The following ARNT variants were observed in gnomAD, a reference collection of about 807,000 sequenced individuals.
ARNT encodes the protein class E basic helix-loop-helix protein 2.
ARNT carries 30 observed loss-of-function variants against 105.0 expected under a neutral mutation model. The ratio of observed to expected loss-of-function variants is 0.29; its 90% CI spans 0.21 to 0.39. ARNT has a LOEUF of 0.39. Among genes scored for constraint, ARNT ranks in the 10% least tolerant of loss-of-function variants. The pLI is 1.00. For synonymous variants in ARNT, 304 were observed against 344.0 expected, an observed-to-expected ratio of 0.88 and a Z score of 1.29; for missense variants, 748 against 978.7, an observed-to-expected ratio of 0.76 and a Z score of 3.15.
chr1:150,822,856 G>A lies in ARNT; in HGVS notation c.1394+338C>T, dbSNP rs587650024. Among the ~76,000 whole-genome samples the A allele has an allele frequency of 2.0e-5, 3 of 152,308 alleles. No homozygotes were observed. The South Asian group carries it at 6.2e-4, about 32-fold the overall frequency. On this transcript the variant is annotated intron_variant, in intron 14 of 21. Coordinates refer to ENST00000358595, the MANE Select transcript of ARNT (RefSeq NM_001668.4). ...ATCTGATGCTATCTCCAAGTAGATAGTGAACTGAATTGAATGGAAGGACAC... is the reference window on the plus strand; with the variant it reads ...ATCTGATGCTATCTCCAAGTAGATAATGAACTGAATTGAATGGAAGGACAC...
At chr1:150,840,555 A>G (rs587656770) in intron 5 of ARNT, among the ~76,000 whole-genome samples, 2 of 152,350 alleles carry the variant, frequency 1.3e-5, no homozygotes, top group Admixed American at 6.5e-5. Context: ...ATTAATGCAC[A>G]AAGTCCTACC....
At chr1:150,862,577 T>TA (rs36093809) in intron 1 of ARNT, among the ~76,000 whole-genome samples, 13 of 149,050 alleles carry the variant, frequency 8.7e-5, no homozygotes, top group South Asian at 2.1e-4. Context: ...CTTTTTCCAT[T>TA]AAAAAAAAAA....
rs587761498 is a variant in ARNT at position 150,829,435 on chromosome 1, AC to A, written c.1033-209del. On this transcript the variant is annotated intron_variant, in intron 11 of 21. Transcript: ENST00000358595. ...CTCTGCTCCCATACATTTACACTTT[AC>A]CAAGTTAGTAAAGTAAGAATAAAGT... 126 of 611,270 alleles carry A rather than the reference AC, an allele frequency of 2.1e-4. 2 individuals are homozygous for A. The South Asian group carries it at 2.3e-3, about 11-fold the overall frequency. The allele number at this position is 611,270 out of a possible 1,614,324, so 37.9% of individuals were successfully genotyped here.
chr1:150,824,495 G>T lies in ARNT; in HGVS notation c.1243-1150C>A, dbSNP rs150624358. ...TTTTGAGATGGAGTCTCGCTCTGTC[G>T]CCAGGCTGGAGTGCAGTGGTGCAAT... On this transcript the variant is annotated intron_variant, in intron 13 of 21. Coordinates refer to ENST00000358595, the MANE Select transcript of ARNT (RefSeq NM_001668.4). Among the ~76,000 whole-genome samples, 1,151 of 142,634 alleles carry T rather than the reference G, an allele frequency of 8.1e-3. 6 individuals are homozygous for T. The highest frequency in any genetic ancestry group is 0.011 in the Non-Finnish European group (706 of 65,902). The allele number at this position is 142,634 out of a possible 152,430, so 93.6% of individuals were successfully genotyped here.
chr1:150,872,313 G>GA (rs2102498655), intron 1 of ARNT, among the ~76,000 whole-genome samples: 1 of 152,188 alleles, frequency 6.6e-6, no homozygotes, highest in South Asian at 2.1e-4. Flanking sequence ...TCCCATATCT[G>GA]AAAAAGGTAA....
Position 150,836,351 on chromosome 1 carries a change from T to C in ARNT, c.629A>G (p.Tyr210Cys), listed in dbSNP as rs1191600742. The change falls in exon 7 of 22, where the codon TAT (tyrosine) becomes TGT (cysteine). Residue 210 changes from tyrosine (Y) to cysteine (C), a missense_variant. Tyr to Cys is a radical substitution (Grantham distance 194). Around this residue, in one of 4 missense-constraint regions of ARNT, gnomAD observed 291 missense variants for 444.6 expected, o/e 0.65. Coordinates refer to ENST00000358595, the MANE Select transcript of ARNT (RefSeq NM_001668.4). ...CACATCATCTGGGTGCACCTGATCA[T>C]AGAGTGTGCTGCCAAACCATTCAGA... ...PQSEWFGSTL[Y>C]DQVHPDDVDK... 5 of 1,614,036 alleles carry C rather than the reference T, an allele frequency of 3.1e-6. No homozygotes were observed. Among genetic ancestry groups the C allele is most frequent in the African/African-American group, 1.3e-5 (1 of 74,922 alleles).
chr1:150,846,385 G>T, intron 3 of ARNT, 78 bp from the exon 4 acceptor site: 1 of 1,417,098 alleles, frequency 7.1e-7, no homozygotes, highest in Non-Finnish European at 9.8e-7. Flanking sequence ...AACTAGAAAG[G>T]GGTGAAAATA....
chr1:150,833,334 T>C (rs1305504995), intron 8 of ARNT, among the ~76,000 whole-genome samples: 1 of 151,906 alleles, frequency 6.6e-6, no homozygotes, highest in African/African-American at 2.4e-5. Flanking sequence ...TGAAACACTG[T>C]TTTACTAAAA....
chr1:150,812,144 C>T (rs10305748), intron 21 of ARNT, 34 bp from the exon 22 acceptor site: 29,307 of 1,492,520 alleles, frequency 0.02, 347 homozygotes, highest in Middle Eastern at 0.027. Context: ...TTGGGTCACA[C>T]ACCTTGATCT....
At chr1:150,858,788 ATT>A (rs752944376) in intron 1 of ARNT, among the ~76,000 whole-genome samples, 28 of 137,064 alleles carry the variant, frequency 2.0e-4, no homozygotes, top group Non-Finnish European at 2.2e-4. Context: ...CACCCAGTTA[ATT>A]TTTTTTTTTT....
chr1:150,829,873 G>A (rs772220628), intron 11 of ARNT, 31 bp downstream of exon 11: 12 of 1,608,032 alleles, frequency 7.5e-6, no homozygotes, highest in Admixed American at 1.7e-5. Context: ...CTAATTGAAC[G>A]GGAATATAGA....
chr1:150,868,044 G>C (rs10305656), intron 1 of ARNT, among the ~76,000 whole-genome samples: 2,112 of 152,156 alleles, frequency 0.014, 20 homozygotes, highest in Non-Finnish European at 0.02. Flanking sequence ...ACAAAGGGAA[G>C]AGGACTATGG....
intron 1 of ARNT, among the ~76,000 whole-genome samples, chr1:150,861,526 G>A (rs1665636001): frequency 6.6e-6 from 1 of 152,184 alleles, no homozygotes; most frequent in Non-Finnish European, 1.5e-5. Context: ...AAGAAACTGT[G>A]GGGCTGAACA....
At position 150,874,691 on chromosome 1, in the gene ARNT, T is replaced by C. The variant is rs587633989; in HGVS notation, c.25+1852A>G. 5.3e-5 allele frequency among the ~76,000 whole-genome samples: 8 copies of C among 150,926 alleles called. No homozygotes were observed. In the South Asian group the frequency reaches 1.0e-3, roughly 20 times the overall value. ...CGACAGAGCAAGGAGCAAGACCCTG[T>C]AGCAAAAGAAAAAGAGGGGAGAGGG... On this transcript the variant is annotated intron_variant, in intron 1 of 21. Transcript: ENST00000358595.
In ARNT at chr1:150,814,254, A is replaced by G; in HGVS notation, c.1951-15T>C. 1 of 1,613,304 alleles carries G rather than the reference A, an allele frequency of 6.2e-7. No homozygotes were observed. The highest frequency in any genetic ancestry group is 8.5e-7 in the Non-Finnish European group (1 of 1,179,452). On this transcript the variant is annotated splice_polypyrimidine_tract_variant and intron_variant, in intron 19 of 21. Transcript: ENST00000358595. ...GTAGCCACCTGCTAAAGAGAGATGG[A>G]GAGGGGATATAGAACAAATACAGCA...
chr1:150,813,769 C>T (rs1571160853), intron 20 of ARNT, among the ~76,000 whole-genome samples: 3 of 152,118 alleles, frequency 2.0e-5, no homozygotes, highest in African/African-American at 4.8e-5. Flanking sequence ...CTCAGCCGCC[C>T]GAGTAGCTGG....
chr1:150,863,191 G>T (rs1301795980), intron 1 of ARNT, among the ~76,000 whole-genome samples: 1 of 151,760 alleles, frequency 6.6e-6, no homozygotes, highest in South Asian at 2.1e-4. Flanking sequence ...GCAAAATCCC[G>T]TCTCTACTAA....
chr1:150,847,654 C>T (rs1322073226), intron 3 of ARNT, among the ~76,000 whole-genome samples: 1 of 152,124 alleles, frequency 6.6e-6, no homozygotes, highest in Non-Finnish European at 1.5e-5. Flanking sequence ...CTAGTGGTTA[C>T]CCTCATATCT....
intron 1 of ARNT, among the ~76,000 whole-genome samples, chr1:150,865,741 T>C (rs1408965888): frequency 2.6e-5 from 4 of 152,206 alleles, no homozygotes; most frequent in African/African-American, 9.7e-5. Context: ...GTATGCATAC[T>C]ACATGCTTCA....
Sources: gnomAD v4.1 joint callset for allele counts (sites outside exome capture counted in the v4.1 genomes callset) on GRCh38, gnomAD v4.1.1 for gene constraint, gnomAD v4.1.1 regional missense constraint, MANE v1.5 for transcripts, NCBI Gene and HGNC (gene_info 2026-07-23, HGNC 2026-07-21) for gene names.